Variants in ZBTB7C observed in about 807,000 individuals in gnomAD.
ZBTB7C encodes zinc finger and BTB domain containing 7C.
Under a neutral mutation model 25.7 loss-of-function variants are expected in ZBTB7C, and 8 were observed. That is an observed-to-expected ratio of 0.31 (90% CI 0.18 to 0.56). The LOEUF (loss-of-function observed/expected upper bound fraction) is 0.56. Among genes scored for constraint, ZBTB7C ranks in the 20% least tolerant of loss-of-function variants. The probability of loss-of-function intolerance (pLI) is 0.91; values close to 1 mark genes in which losing one functional copy is unlikely to be tolerated. For synonymous variants in ZBTB7C, 394 were observed against 369.0 expected (o/e 1.07, Z -0.78); for missense variants, 824 against 855.2 (o/e 0.96, Z 0.46).
intron 2 of ZBTB7C, among the ~76,000 whole-genome samples, chr18:48,196,752 C>T (rs578238531): frequency 1.3e-5 from 2 of 152,210 alleles, no homozygotes; most frequent in African/African-American, 4.8e-5. Context: ...ACCCAAATGC[C>T]ATCAAATCAA....
At chr18:48,295,925 C>G (rs2045374812) in intron 2 of ZBTB7C, among the ~76,000 whole-genome samples, 1 of 152,222 alleles carries the variant, frequency 6.6e-6, no homozygotes, top group African/African-American at 2.4e-5. Context: ...TCTGAACAAT[C>G]CTAGGACGGA....
intron 2 of ZBTB7C, among the ~76,000 whole-genome samples, chr18:48,250,102 C>G (rs2043803438): frequency 6.6e-6 from 1 of 152,184 alleles, no homozygotes; most frequent in South Asian, 2.1e-4. Context: ...CTCTAAAACC[C>G]AGGCACAAGC....
intron 2 of ZBTB7C, among the ~76,000 whole-genome samples, chr18:48,265,411 G>A (rs555489041): frequency 6.6e-6 from 1 of 152,182 alleles, no homozygotes. Context: ...GCTAGAACAC[G>A]GGAGTTCAAG....
At chr18:48,153,017 G>A (rs568170635) in intron 3 of ZBTB7C, among the ~76,000 whole-genome samples, 8 of 152,362 alleles carry the variant, frequency 5.3e-5, no homozygotes, top group African/African-American at 1.4e-4. Context: ...CCCAGCTGGG[G>A]CTTCTGGTGC....
chr18:48,068,696 G>A (rs776825580), intron 3 of ZBTB7C, among the ~76,000 whole-genome samples: 3 of 152,048 alleles, frequency 2.0e-5, no homozygotes, highest in Non-Finnish European at 2.9e-5. Context: ...AATTCCCTGG[G>A]CCCCATCCAG....
At chr18:48,130,542 CG>C (rs1264821260) in intron 3 of ZBTB7C, among the ~76,000 whole-genome samples, 1 of 152,090 alleles carries the variant, frequency 6.6e-6, no homozygotes, top group African/African-American at 2.4e-5. Flanking sequence ...AATCCTCCTC[CG>C]AGAAGTTGGG....
intron 3 of ZBTB7C, among the ~76,000 whole-genome samples, chr18:48,169,604 C>T (rs1164550258): frequency 6.6e-6 from 1 of 152,204 alleles, no homozygotes; most frequent in Non-Finnish European, 1.5e-5. Context: ...TAATACCTGG[C>T]AAGCACTGTG....
At chr18:48,188,137 A>G (rs1415037887) in intron 2 of ZBTB7C, among the ~76,000 whole-genome samples, 1 of 152,196 alleles carries the variant, frequency 6.6e-6, no homozygotes, top group Non-Finnish European at 1.5e-5. Context: ...ACAAGCTTGG[A>G]CAGGGAGACT....
chr18:48,113,771 GACA>G (rs1598902837), intron 3 of ZBTB7C, among the ~76,000 whole-genome samples: 1 of 152,244 alleles, frequency 6.6e-6, no homozygotes, highest in East Asian at 1.9e-4. Flanking sequence ...TATTATCAGT[GACA>G]ACAACCCTGC....
intron 3 of ZBTB7C, among the ~76,000 whole-genome samples, chr18:48,055,487 G>C (rs1451219917): frequency 6.6e-6 from 1 of 151,318 alleles, no homozygotes; most frequent in African/African-American, 2.4e-5. Context: ...CAGCAAGTCA[G>C]AGCTAGGTGT....
At position 48,290,585 on chromosome 18, in the gene ZBTB7C, G is replaced by A. The variant is rs143061725; in HGVS notation, c.-79+47589C>T. On this transcript the variant is annotated intron_variant, in intron 2 of 4. Transcript: ENST00000590800. ...GTTTTTGAGGGTCATTAAGAGTGTG[G>A]GGGTTGGGGACAGACTGTGCTTCCT... is the stretch of plus-strand genomic sequence containing the variant. Among the ~76,000 whole-genome samples the A allele has an allele frequency of 1.7e-3, 261 of 152,310 alleles. 1 individual carries two copies. Among genetic ancestry groups the A allele is most frequent in the African/African-American group, 6.2e-3 (256 of 41,566 alleles).
chr18:48,303,005 C>A (rs962193155), intron 2 of ZBTB7C, among the ~76,000 whole-genome samples: 1 of 152,202 alleles, frequency 6.6e-6, no homozygotes, highest in Non-Finnish European at 1.5e-5. Flanking sequence ...ATTGGACCAG[C>A]AGTTCCAGCA....
At chr18:48,404,027 C>T (rs952017555) in intron 1 of ZBTB7C, among the ~76,000 whole-genome samples, 5 of 152,174 alleles carry the variant, frequency 3.3e-5, no homozygotes, top group African/African-American at 9.6e-5. Flanking sequence ...GTGAGGCAGG[C>T]GGATCGCCTG....
At chr18:48,310,708 C>T (rs987248985) in intron 2 of ZBTB7C, among the ~76,000 whole-genome samples, 1 of 152,202 alleles carries the variant, frequency 6.6e-6, no homozygotes, top group African/African-American at 2.4e-5. Flanking sequence ...TGCCTCAAAG[C>T]TCAGGGGTTT....
intron 3 of ZBTB7C, among the ~76,000 whole-genome samples, chr18:48,104,935 C>T (rs948880364): frequency 6.6e-6 from 1 of 152,122 alleles, no homozygotes; most frequent in Non-Finnish European, 1.5e-5. Flanking sequence ...GGGCCCACAC[C>T]CAGCTGTTTC....
intron 2 of ZBTB7C, among the ~76,000 whole-genome samples, chr18:48,291,088 G>A (rs1477151753): frequency 2.0e-5 from 3 of 152,202 alleles, no homozygotes; most frequent in Non-Finnish European, 2.9e-5. Flanking sequence ...CTGCTTTGGG[G>A]ACATCATCCT....
intron 2 of ZBTB7C, among the ~76,000 whole-genome samples, chr18:48,289,167 T>C (rs2045144265): frequency 1.3e-5 from 2 of 152,192 alleles, no homozygotes; most frequent in South Asian, 4.1e-4. Flanking sequence ...ATGAGCTTTT[T>C]AAATCTTTGG....
At chr18:48,057,058 A>AAAAC (rs59229627) in intron 3 of ZBTB7C, among the ~76,000 whole-genome samples, 1,527 of 150,678 alleles carry the variant, frequency 0.01, 36 homozygotes, top group African/African-American at 0.035. Flanking sequence ...GTCAAAAAAA[A>AAAAC]AAAAAAAAAA....
intron 1 of ZBTB7C, among the ~76,000 whole-genome samples, chr18:48,404,653 A>G (rs563967029): frequency 1.3e-5 from 2 of 152,308 alleles, no homozygotes; most frequent in South Asian, 2.1e-4. Flanking sequence ...ACTTGGCCCC[A>G]GGGTTCTCAC....
Sources: allele counts gnomAD v4.1 joint callset (sites outside exome capture counted in the v4.1 genomes callset), GRCh38; gene constraint gnomAD v4.1.1; transcripts MANE v1.5; gene names NCBI Gene and HGNC (gene_info 2026-07-23, HGNC 2026-07-21).